ZNF335: variants seen among roughly 807,000 people sequenced by gnomAD.
ZNF335 encodes NRC-interacting factor 1.
A neutral mutation model predicts 145.6 loss-of-function variants in ZNF335; 84 were observed. The observed-to-expected ratio is 0.58, with a 90% CI of 0.48 to 0.69. The LOEUF is 0.69. Ranked by LOEUF, ZNF335 falls within the 30% of genes least tolerant of loss-of-function variation. The pLI, the probability that ZNF335 is intolerant of heterozygous loss-of-function variation, is 0.00. For synonymous variants in ZNF335, 761 were observed against 717.0 expected (o/e 1.06, Z -0.98); for missense variants, 1,865 against 1,809.7 (o/e 1.03, Z -0.55).
In ZNF335 at chr20:45,969,696, G is replaced by C; in HGVS notation, c.202-5C>G. On this transcript the variant is annotated splice_region_variant and splice_polypyrimidine_tract_variant and intron_variant, in intron 2 of 27. Coordinates refer to ENST00000322927, the MANE Select transcript of ZNF335 (RefSeq NM_022095.4). ...GCTGCTCTCAGATACCTCCTCCTGA[G>C]GGGCATGAAACAGGGAGGGAAAAAG... is the stretch of plus-strand genomic sequence containing the variant. 6.2e-7 allele frequency: 1 copy of C among 1,610,356 alleles called. No individual in the cohort carries two copies. Among genetic ancestry groups the C allele is most frequent in the South Asian group, 1.1e-5 (1 of 90,978 alleles).
In ZNF335 at chr20:45,964,197, G is replaced by A; in HGVS notation, c.1103-207C>T. 7.1e-6 allele frequency: 4 copies of A among 564,722 alleles called. No homozygotes were observed. In the South Asian group the frequency reaches 1.6e-4, roughly 22 times the overall value. The allele number at this position is 564,722 out of a possible 1,614,324, so 35.0% of individuals were successfully genotyped here. A position where few individuals can be genotyped will look rare whatever the true frequency, so the allele number is the denominator to read the frequency against. ...CAGCCGACATTCTGTCAGCACAGTA[G>A]GACCTGGCCTGGATTAGAGCAACGG... On this transcript the variant is annotated intron_variant, in intron 7 of 27. Transcript: ENST00000322927.
rs753002081 is a variant in ZNF335 at position 45,960,542 on chromosome 20, G to A, written c.1783-17C>T. 8 of 1,613,974 alleles carry A rather than the reference G, an allele frequency of 5.0e-6. No individual in the cohort carries two copies. The African/African-American group carries it at 8.0e-5, about 16-fold the overall frequency. ...CTTTCCACACTGTGAGGGGTGGAGA[G>A]CAGTGAGATGGCGATCACCCTCCAT... On this transcript the variant is annotated splice_polypyrimidine_tract_variant and intron_variant, in intron 12 of 27. Coordinates refer to ENST00000322927, the MANE Select transcript of ZNF335 (RefSeq NM_022095.4).
At chr20:45,966,423 T>A (rs2083953794) in intron 6 of ZNF335, among the ~76,000 whole-genome samples, 1 of 151,964 alleles carries the variant, frequency 6.6e-6, no homozygotes, top group African/African-American at 2.4e-5. Context: ...TGAAATATTT[T>A]AGGGCCAGGC....
Position 45,960,318 on chromosome 20 carries a change from A to G in ZNF335, c.1910T>C (p.Leu637Pro). Reference sequence around the variant, plus strand: ...ACTGACGTGGGACAACTGGTGGTTCAGCAGTGCCTTCTTGTCTTCACAAAC... The same window carrying G: ...ACTGACGTGGGACAACTGGTGGTTCGGCAGTGCCTTCTTGTCTTCACAAAC... ...EFVCEDKKAL[L>P]NHQLSHVSDK... is the part of the protein sequence containing the mutation. Residue 637 changes from leucine to proline, a missense_variant, in exon 14 of 28, where the codon CTG becomes CCG. By Grantham distance (98) the Leu-to-Pro change is moderately conservative (BLOSUM62 -3). Coordinates refer to ENST00000322927, the MANE Select transcript of ZNF335 (RefSeq NM_022095.4). The G allele has an allele frequency of 6.2e-7, 1 of 1,614,226 alleles. No homozygotes were observed. Among genetic ancestry groups the G allele is most frequent in the Non-Finnish European group, 8.5e-7 (1 of 1,180,034 alleles).
rs911357250 is a variant in ZNF335, at chr20:45,952,166, C to T, written c.3170G>A (p.Arg1057His). The change falls in exon 20 of 28, where the codon CGC (arginine) becomes CAC (histidine). Residue 1057 changes from arginine to histidine, a missense_variant. By Grantham distance (29) the Arg-to-His change is conservative (BLOSUM62 0). Coordinates refer to ENST00000322927, the MANE Select transcript of ZNF335 (RefSeq NM_022095.4). ...ACCTACCCGGACCTCGGGCCACTGGCGGGCACTGAAGGGGCAGTCGGGGCA... is the reference window on the plus strand; with the variant it reads ...ACCTACCCGGACCTCGGGCCACTGGTGGGCACTGAAGGGGCAGTCGGGGCA... ...FKCPDCPFSA[R>H]QWPEVRAHMA... 11 of 1,604,802 alleles carry T rather than the reference C, an allele frequency of 6.9e-6. No homozygotes were observed. Among genetic ancestry groups the T allele is most frequent in the South Asian group, 1.1e-5 (1 of 90,520 alleles).
intron 9 of ZNF335, 112 bp downstream of exon 9, chr20:45,963,361 G>C: frequency 8.1e-7 from 1 of 1,239,928 alleles, no homozygotes; most frequent in Non-Finnish European, 1.1e-6. Flanking sequence ...AGAGCAGCAG[G>C]AGAGCGTGAC....
chr20:45,959,511 A>T, intron 14 of ZNF335, 78 bp from the exon 15 acceptor site: 6 of 1,123,400 alleles, frequency 5.3e-6, no homozygotes, highest in Non-Finnish European at 7.1e-6. Context: ...CTTGACCCTA[A>T]GGATCTCTCC....
chr20:45,959,005 G>C (rs1007461114), intron 15 of ZNF335, among the ~76,000 whole-genome samples, 196 bp downstream of exon 15: 1 of 152,228 alleles, frequency 6.6e-6, no homozygotes, highest in African/African-American at 2.4e-5. Flanking sequence ...TAAGTTACTG[G>C]TGTTTCCATT....
chr20:45,949,483 A>G lies in ZNF335; in HGVS notation c.3753+2T>C. 2 of 1,613,782 alleles carry G rather than the reference A, an allele frequency of 1.2e-6. No homozygotes were observed. Among genetic ancestry groups the G allele is most frequent in the Non-Finnish European group, 1.7e-6 (2 of 1,179,966 alleles). ...AGCACCCTCATCCCAGGTCTGGCCT[A>G]CCTGGATGTGATGGCCTTCAGGGAC... On this transcript the variant is annotated splice_donor_variant, in intron 25 of 27. Transcript: ENST00000322927. LOFTEE classifies it high-confidence loss of function.
At chr20:45,956,524 G>A (rs2083731792) in intron 17 of ZNF335, among the ~76,000 whole-genome samples, 3 of 152,140 alleles carry the variant, frequency 2.0e-5, no homozygotes, top group Admixed American at 2.0e-4. Context: ...CACCACGCCA[G>A]GCCCATTTTG....
chr20:45,966,668 C>T (rs925642213), intron 6 of ZNF335, among the ~76,000 whole-genome samples: 3 of 150,856 alleles, frequency 2.0e-5, no homozygotes, highest in Non-Finnish European at 4.4e-5. Context: ...TCTCCTGCCT[C>T]GGCTTCCCAA....
rs754608119 is a variant in ZNF335, at chr20:45,949,258, G to A, written c.3820-7C>T. On this transcript the variant is annotated splice_polypyrimidine_tract_variant and splice_region_variant and intron_variant, in intron 26 of 27. Transcript: ENST00000322927. ...ACACAGGCACATACTGGATCTGGAG[G>A]GGAGAAGCTGATAAGATGCTGGCCT... The A allele has an allele frequency of 5.5e-5, 88 of 1,611,888 alleles. No individual in the cohort carries two copies. The highest frequency in any genetic ancestry group is 5.3e-5 in the Non-Finnish European group (63 of 1,179,904).
intron 2 of ZNF335, chr20:45,969,966 G>T: frequency 2.8e-6 from 1 of 360,586 alleles, no homozygotes; most frequent in East Asian, 4.3e-5. Context: ...TATTTTCTTT[G>T]GGCTTTTGCA....
At chr20:45,951,954 CGTT>C (rs966857817) in intron 20 of ZNF335, among the ~76,000 whole-genome samples, 190 bp downstream of exon 20, 4 of 152,252 alleles carry the variant, frequency 2.6e-5, no homozygotes, top group Non-Finnish European at 5.9e-5. Flanking sequence ...GCATTAGTCA[CGTT>C]GTGTGTGGTT....
At chr20:45,969,784 G>C in intron 2 of ZNF335, 93 bp from the exon 3 acceptor site, 1 of 1,527,704 alleles carries the variant, frequency 6.5e-7, no homozygotes, top group East Asian at 2.3e-5. Context: ...AGAGCTCTCA[G>C]GCCCAAGGAC....
At position 45,960,735 on chromosome 20, in the gene ZNF335, A is replaced by T; in HGVS notation, c.1666-3T>A. On this transcript the variant is annotated splice_region_variant and splice_polypyrimidine_tract_variant and intron_variant, in intron 11 of 27. Transcript: ENST00000322927. ...GGGAAAGAGCTCAGCTTTGGAGTCTAGGAAGGCATAAGAAGGGGCCAGATG... is the reference window on the plus strand; with the variant it reads ...GGGAAAGAGCTCAGCTTTGGAGTCTTGGAAGGCATAAGAAGGGGCCAGATG... The T allele has an allele frequency of 2.5e-6, 4 of 1,613,776 alleles. No individual in the cohort carries two copies. The highest frequency in any genetic ancestry group is 2.5e-6 in the Non-Finnish European group (3 of 1,179,740).
chr20:45,952,615 G>T lies in ZNF335; in HGVS notation c.2797C>A (p.Gln933Lys). The T allele has an allele frequency of 6.2e-7, 1 of 1,613,962 alleles. No homozygotes were observed. The highest frequency in any genetic ancestry group is 8.5e-7 in the Non-Finnish European group (1 of 1,180,016). Residue 933 changes from glutamine to lysine, a missense_variant, in exon 19 of 28, where the codon CAG becomes AAG. Transcript: ENST00000322927. ...THYIMATDGT[Q>K]LHHIELTADG... ...AGCCTCACCTCAATGTGGTGCAACT[G>T]GGTACCATCAGTAGCCATGATGTAG...
In ZNF335 at chr20:45,950,247, A is replaced by C. The variant is rs1196191510; in HGVS notation, c.3459T>G (p.Ser1153Arg). Residue 1153 changes from serine to arginine, a missense_variant, in exon 22 of 28, where the codon AGT (serine) becomes AGG (arginine). Transcript: ENST00000322927. The part of the protein sequence containing the change: ...QTPTQTIILN[S>R]DDETLATLHT... ...GCAGGGTGGCCAGTGTTTCGTCATCACTGTTCAGGATGATGGTCTGGGTTG... is the reference window on the plus strand; with the variant it reads ...GCAGGGTGGCCAGTGTTTCGTCATCCCTGTTCAGGATGATGGTCTGGGTTG... 2 of 1,547,160 alleles carry C rather than the reference A, an allele frequency of 1.3e-6. No individual in the cohort carries two copies. The highest frequency in any genetic ancestry group is 1.7e-6 in the Non-Finnish European group (2 of 1,146,850).
At chr20:45,957,233 G>C (rs1373628144) in intron 17 of ZNF335, among the ~76,000 whole-genome samples, 1 of 152,200 alleles carries the variant, frequency 6.6e-6, no homozygotes, top group African/African-American at 2.4e-5. Context: ...CTTGTGGATG[G>C]AAAAGCTAGT....
Sources: allele counts gnomAD v4.1 joint callset (sites outside exome capture counted in the v4.1 genomes callset), GRCh38; gene constraint gnomAD v4.1.1; transcripts MANE v1.5; gene names NCBI Gene and HGNC (gene_info 2026-07-23, HGNC 2026-07-21).